The following CSMD1 variants were observed in gnomAD, a reference collection of about 807,000 sequenced individuals.
The protein encoded by CSMD1 is CUB and sushi domain-containing protein 1.
Under a neutral mutation model 417.5 loss-of-function variants are expected in CSMD1, and 213 were observed. That is an observed-to-expected ratio of 0.51 (90% CI 0.46 to 0.57). The LOEUF is 0.57. Ranked by LOEUF, CSMD1 falls within the 20% of genes least tolerant of loss-of-function variation. The pLI, the probability that CSMD1 is intolerant of heterozygous loss-of-function variation, is 0.00. For synonymous variants in CSMD1, 2,862 were observed against 1,736.8 expected, an observed-to-expected ratio of 1.65 and a Z score of -16.11; for missense variants, 6,923 against 4,529.7, an observed-to-expected ratio of 1.53 and a Z score of -15.17.
Position 4,836,481 on chromosome 8 carries a change from A to C in CSMD1, c.85+157851T>G, listed in dbSNP as rs374515932. On this transcript the variant is annotated intron_variant, in intron 1 of 69. Transcript: ENST00000635120. ...TGTTCCATAGGACTGGCGCTCTTGA[A>C]TACGGCAGACAGCTAACATGAATCA... 1.4e-3 allele frequency among the ~76,000 whole-genome samples: 215 copies of C among 152,326 alleles called. 1 individual carries two copies. Among genetic ancestry groups the C allele is most frequent in the African/African-American group, 4.9e-3 (205 of 41,574 alleles).
In CSMD1 at chr8:3,914,027, C is replaced by G. The variant is rs147428407; in HGVS notation, c.818+83876G>C. 5.5e-3 allele frequency among the ~76,000 whole-genome samples: 830 copies of G among 152,134 alleles called. 6 individuals carry two copies. Among genetic ancestry groups the G allele is most frequent in the Non-Finnish European group, 8.8e-3 (600 of 68,006 alleles). On this transcript the variant is annotated intron_variant, in intron 5 of 69. Transcript: ENST00000635120. Reference sequence around the variant, plus strand: ...GTTATTCTTGAAACCCTTCTCTATACTTCTAAGTTAAAGAAAAAGTAATAT... The same window carrying G: ...GTTATTCTTGAAACCCTTCTCTATAGTTCTAAGTTAAAGAAAAAGTAATAT...
chr8:4,963,570 C>G (rs1160045393), intron 1 of CSMD1, among the ~76,000 whole-genome samples: 2 of 152,114 alleles, frequency 1.3e-5, no homozygotes, highest in Non-Finnish European at 2.9e-5. Context: ...TCCTATTGGT[C>G]TTTGTGTGTT....
intron 11 of CSMD1, among the ~76,000 whole-genome samples, chr8:3,474,945 T>C (rs1259388562): frequency 1.3e-5 from 2 of 152,190 alleles, no homozygotes; most frequent in African/African-American, 4.8e-5. Flanking sequence ...AGCCATCATA[T>C]TGTAGCTGCC....
At chr8:3,049,007 T>C (rs1240882380) in intron 50 of CSMD1, among the ~76,000 whole-genome samples, 1 of 151,882 alleles carries the variant, frequency 6.6e-6, no homozygotes, top group Non-Finnish European at 1.5e-5. Flanking sequence ...ATCATCAGAG[T>C]ATTGCTAATT....
intron 11 of CSMD1, among the ~76,000 whole-genome samples, chr8:3,483,121 G>C (rs1292328817): frequency 6.6e-6 from 1 of 152,024 alleles, no homozygotes; most frequent in Non-Finnish European, 1.5e-5. Context: ...GAGTGCGATA[G>C]AGGTCTAAAT....
chr8:3,087,169 G>C lies in CSMD1; in HGVS notation c.7402C>G (p.His2468Asp). ...FCKPGYRMVGHSNATCRRNPL... is the reference protein window; with the variant it reads ...FCKPGYRMVGDSNATCRRNPL... ...TTTCGTCTACAGGTTGCATTGCTGTGGCCGACCATTCGGTATCCAGGCTTG... is the reference window on the plus strand; with the variant it reads ...TTTCGTCTACAGGTTGCATTGCTGTCGCCGACCATTCGGTATCCAGGCTTG... The change falls in exon 49 of 70, where the codon CAC becomes GAC. Residue 2468 changes from histidine (H) to aspartate (D), a missense_variant. Physicochemically the swap from His to Asp is moderately conservative, Grantham distance 81 (BLOSUM62 -1). Transcript: ENST00000635120. 6.2e-7 allele frequency: 1 copy of C among 1,613,898 alleles called. No homozygotes were observed. The highest frequency in any genetic ancestry group is 8.5e-7 in the Non-Finnish European group (1 of 1,179,892).
intron 1 of CSMD1, among the ~76,000 whole-genome samples, chr8:4,644,444 G>A (rs1485225695): frequency 6.6e-6 from 1 of 151,926 alleles, no homozygotes; most frequent in African/African-American, 2.4e-5. Context: ...GTCTCTCTCT[G>A]TCACCAGGCT....
chr8:3,375,581 G>A (rs1192057414), intron 18 of CSMD1, among the ~76,000 whole-genome samples: 2 of 151,818 alleles, frequency 1.3e-5, no homozygotes, highest in Admixed American at 6.6e-5. Flanking sequence ...TAAATATGTT[G>A]TTCACATATT....
intron 1 of CSMD1, among the ~76,000 whole-genome samples, chr8:4,728,150 T>C (rs1232823137): frequency 6.8e-6 from 1 of 147,350 alleles, no homozygotes; most frequent in Non-Finnish European, 1.5e-5. Flanking sequence ...ATATATCAAA[T>C]ATATATATTT....
chr8:3,447,267 A>G (rs1284777298), intron 12 of CSMD1, among the ~76,000 whole-genome samples: 1 of 152,186 alleles, frequency 6.6e-6, no homozygotes, highest in African/African-American at 2.4e-5. Flanking sequence ...CTTTTTTATG[A>G]CACAATTTCA....
At chr8:4,273,054 T>A (rs894880644) in intron 3 of CSMD1, among the ~76,000 whole-genome samples, 1 of 152,180 alleles carries the variant, frequency 6.6e-6, no homozygotes, top group East Asian at 1.9e-4. Context: ...GGGATCATTA[T>A]GTTGCCATCA....
chr8:4,884,498 A>G (rs1803603454), intron 1 of CSMD1, among the ~76,000 whole-genome samples: 1 of 151,900 alleles, frequency 6.6e-6, no homozygotes. Flanking sequence ...CTTTGTAAGG[A>G]TTTTATAATT....
chr8:4,366,058 C>G (rs1802051535), intron 3 of CSMD1, among the ~76,000 whole-genome samples: 1 of 152,058 alleles, frequency 6.6e-6, no homozygotes. Flanking sequence ...GACAGATAGC[C>G]TTCCAATCCA....
At chr8:4,419,013 C>T (rs923395107) in intron 3 of CSMD1, among the ~76,000 whole-genome samples, 1 of 152,172 alleles carries the variant, frequency 6.6e-6, no homozygotes, top group Non-Finnish European at 1.5e-5. Context: ...CTACAGCCAC[C>T]CATTTGCACA....
At chr8:3,691,397 A>C (rs370178403) in intron 7 of CSMD1, among the ~76,000 whole-genome samples, 1 of 151,984 alleles carries the variant, frequency 6.6e-6, no homozygotes, top group Non-Finnish European at 1.5e-5. Flanking sequence ...AAAACAAAAA[A>C]CAAAAACAAA....
At chr8:3,277,620 A>T (rs1032952036) in intron 26 of CSMD1, among the ~76,000 whole-genome samples, 1 of 152,144 alleles carries the variant, frequency 6.6e-6, no homozygotes, top group African/African-American at 2.4e-5. Context: ...AACCGGGAAG[A>T]TGTCAAGGGG....
chr8:4,852,099 A>T (rs1468456678), intron 1 of CSMD1, among the ~76,000 whole-genome samples: 3 of 152,088 alleles, frequency 2.0e-5, no homozygotes, highest in Middle Eastern at 3.2e-3. Context: ...TATATCTTTT[A>T]CTTGTGAAAC....
intron 1 of CSMD1, among the ~76,000 whole-genome samples, chr8:4,854,212 G>A (rs948955038): frequency 9.2e-5 from 14 of 152,100 alleles, no homozygotes; most frequent in African/African-American, 3.1e-4. Flanking sequence ...ATGCAGGAGT[G>A]GAAAGATATG....
At chr8:4,732,346 T>C (rs1161413670) in intron 1 of CSMD1, among the ~76,000 whole-genome samples, 2 of 143,330 alleles carry the variant, frequency 1.4e-5, no homozygotes, top group African/African-American at 5.3e-5. Context: ...TTCTTCTGCG[T>C]GTGTGTGTGT....
Sources: gnomAD v4.1 joint callset for allele counts (sites outside exome capture counted in the v4.1 genomes callset) on GRCh38, gnomAD v4.1.1 for gene constraint, MANE v1.5 for transcripts, NCBI Gene and HGNC (gene_info 2026-07-23, HGNC 2026-07-21) for gene names.